ZNF654: variants seen among roughly 807,000 people sequenced by gnomAD.
The protein encoded by ZNF654 is zinc finger protein 654, also known as melanoma-associated antigen.
In ZNF654, 19 loss-of-function variants were observed where a neutral mutation model predicts 95.3. That is an observed-to-expected ratio of 0.20 (90% confidence interval 0.14 to 0.29). The LOEUF (loss-of-function observed/expected upper bound fraction) is 0.29, where lower values mean the gene tolerates loss of function less well. Among genes scored for constraint, ZNF654 ranks in the 10% least tolerant of loss-of-function variants. The probability of loss-of-function intolerance (pLI) is 1.00; values close to 1 mark genes in which losing one functional copy is unlikely to be tolerated. For synonymous variants in ZNF654, 413 were observed against 457.9 expected (o/e 0.90, Z 1.25); for missense variants, 1,046 against 1,341.0 (o/e 0.78, Z 3.44).
At chr3:88,129,111 A>G (rs1333313628) in intron 5 of ZNF654, 100 bp downstream of exon 5, 1 of 805,810 alleles carries the variant, frequency 1.2e-6, no homozygotes, top group South Asian at 1.9e-5. Flanking sequence ...TTCCTTTTAC[A>G]GTAATGCCAA....
At chr3:88,069,753 C>A (rs1454464892) in intron 1 of ZNF654, among the ~76,000 whole-genome samples, 1 of 152,168 alleles carries the variant, frequency 6.6e-6, no homozygotes. Flanking sequence ...ATATATTACA[C>A]AAATTATAGC....
At chr3:88,064,123 T>G (rs1167451210) in intron 1 of ZNF654, among the ~76,000 whole-genome samples, 1 of 151,612 alleles carries the variant, frequency 6.6e-6, no homozygotes, top group Non-Finnish European at 1.5e-5. Context: ...TTTTTTTTTT[T>G]GCCACAGCTT....
At chr3:88,117,080 C>T (rs925651562) in intron 3 of ZNF654, among the ~76,000 whole-genome samples, 7 of 152,014 alleles carry the variant, frequency 4.6e-5, no homozygotes, top group African/African-American at 7.2e-5. Flanking sequence ...AAAGAAGGGA[C>T]AACCCGAAAG....
In ZNF654 at chr3:88,072,616, G is replaced by A. The variant is rs572218199; in HGVS notation, c.186+13111G>A. On this transcript the variant is annotated intron_variant, in intron 1 of 8. Coordinates refer to ENST00000636215, the MANE Select transcript of ZNF654 (RefSeq NM_001350134.2). ...ATAGACTCTTATTAGAGAGATAGAG[G>A]CCTTCCCTGAACACCCCATGTAAAG... 2.6e-5 allele frequency among the ~76,000 whole-genome samples: 4 copies of A among 152,214 alleles called. No homozygotes were observed. In the South Asian group the frequency reaches 6.2e-4, roughly 24 times the overall value.
At chr3:88,136,314 A>G (rs1399321727) in intron 7 of ZNF654, among the ~76,000 whole-genome samples, 2 of 152,182 alleles carry the variant, frequency 1.3e-5, no homozygotes, top group East Asian at 1.9e-4. Context: ...ATGTGGGGTA[A>G]ACCTGCAAAT....
At position 88,143,589 on chromosome 3, in the gene ZNF654, C is replaced by G. The variant is rs80200010; in HGVS notation, c.*1937C>G. 712 of 152,294 alleles carry G rather than the reference C, an allele frequency of 4.7e-3. 8 individuals are homozygous for G. The highest frequency in any genetic ancestry group is 7.7e-3 in the Non-Finnish European group (524 of 67,736). The allele number at this position is 152,294 out of a possible 1,614,324, so 9.4% of individuals were successfully genotyped here. A position where few individuals can be genotyped will look rare whatever the true frequency, so the allele number is the denominator to read the frequency against. ...AAGTTTAATATTTTATCACATTTTC[C>G]ACAAGTTGTAACAATTGATATAAAT... On this transcript the variant is annotated 3_prime_UTR_variant, in exon 9 of 9. Transcript: ENST00000636215.
At chr3:88,096,736 T>C (rs979044405) in intron 2 of ZNF654, among the ~76,000 whole-genome samples, 1 of 152,118 alleles carries the variant, frequency 6.6e-6, no homozygotes, top group African/African-American at 2.4e-5. Flanking sequence ...AGGTAATACA[T>C]GTTCATGGTT....
chr3:88,085,342 A>G (rs1708285583), intron 1 of ZNF654, among the ~76,000 whole-genome samples: 1 of 152,234 alleles, frequency 6.6e-6, no homozygotes, highest in Non-Finnish European at 1.5e-5. Flanking sequence ...ACATAAATGG[A>G]TGAACCTGGT....
chr3:88,062,561 G>C (rs1242866482), intron 1 of ZNF654, among the ~76,000 whole-genome samples: 1 of 152,176 alleles, frequency 6.6e-6, no homozygotes, highest in African/African-American at 2.4e-5. Context: ...TCTAATTCCT[G>C]AAAGTTTTAA....
chr3:88,112,548 CCTGTT>C (rs1705155910), intron 2 of ZNF654, among the ~76,000 whole-genome samples: 1 of 151,864 alleles, frequency 6.6e-6, no homozygotes, highest in Admixed American at 6.6e-5. Flanking sequence ...TTTGAGCCAT[CCTGTT>C]ATGAGTGGGA....
intron 1 of ZNF654, among the ~76,000 whole-genome samples, chr3:88,070,845 C>T (rs887677519): frequency 3.3e-5 from 5 of 152,118 alleles, no homozygotes; most frequent in Non-Finnish European, 5.9e-5. Flanking sequence ...AAGCAACTAC[C>T]TTAAGACACA....
In ZNF654 at chr3:88,140,709, G is replaced by A. The variant is rs771797638; in HGVS notation, c.3040G>A (p.Val1014Ile). Reference sequence around the variant, plus strand: ...AAATGGTTCCATTTTGCCCAGTGTTGTACCACAAGAACACAACACCTTGCC... The same window carrying A: ...AAATGGTTCCATTTTGCCCAGTGTTATACCACAAGAACACAACACCTTGCC... ...TENGSILPSV[V>I]PQEHNTLPVS... Residue 1014 changes from valine to isoleucine, a missense_variant, in exon 8 of 9, where the codon GTA becomes ATA. By Grantham distance (29) the Val-to-Ile change is conservative. Coordinates refer to ENST00000636215, the MANE Select transcript of ZNF654 (RefSeq NM_001350134.2). 7 of 1,613,572 alleles carry A rather than the reference G, an allele frequency of 4.3e-6. No individual in the cohort carries two copies. The highest frequency in any genetic ancestry group is 2.7e-5 in the African/African-American group (2 of 74,868).
In ZNF654 at chr3:88,092,267, C is replaced by A. The variant is rs566291154; in HGVS notation, c.332+5865C>A. ...AACAATTACTGCATAATTATTTGGTCATTTATTCTGTAAAGCTCTGCTTGC... is the reference window on the plus strand; with the variant it reads ...AACAATTACTGCATAATTATTTGGTAATTTATTCTGTAAAGCTCTGCTTGC... On this transcript the variant is annotated intron_variant, in intron 2 of 8. Transcript: ENST00000636215. Among the ~76,000 whole-genome samples, 258 of 152,118 alleles carry A rather than the reference C, an allele frequency of 1.7e-3. 1 individual carries two copies. The highest frequency in any genetic ancestry group is 3.1e-3 in the Non-Finnish European group (214 of 67,998).
intron 3 of ZNF654, among the ~76,000 whole-genome samples, chr3:88,113,722 C>G (rs1278180126): frequency 6.6e-6 from 1 of 152,082 alleles, no homozygotes; most frequent in Non-Finnish European, 1.5e-5. Flanking sequence ...GGAAGCAACC[C>G]TGACCCACTC....
chr3:88,109,438 T>C (rs1198460582), intron 2 of ZNF654, among the ~76,000 whole-genome samples: 2 of 152,146 alleles, frequency 1.3e-5, no homozygotes, highest in Admixed American at 6.6e-5. Flanking sequence ...TTGACTCACA[T>C]AGAGTAGACC....
intron 4 of ZNF654, 138 bp from the exon 5 acceptor site, chr3:88,128,667 CAAAT>C (rs1268584404): frequency 5.3e-6 from 3 of 570,990 alleles, no homozygotes; most frequent in Non-Finnish European, 5.9e-6. Context: ...AATATTTTCA[CAAAT>C]AAACTCCTAC....
chr3:88,140,244 C>T lies in ZNF654; in HGVS notation c.2575C>T (p.Pro859Ser), dbSNP rs764652681. ...ATGCCATGAGCTTTTTGAAGATCTTCCTCTGCTGTATGAACATGAAGCTCA... is the reference window on the plus strand; with the variant it reads ...ATGCCATGAGCTTTTTGAAGATCTTTCTCTGCTGTATGAACATGAAGCTCA... ...PECHELFEDL[P>S]LLYEHEAQHY... Residue 859 changes from proline to serine, a missense_variant, in exon 8 of 9, where the codon CCT (proline) becomes TCT (serine). Around this residue, in one of 9 missense-constraint regions of ZNF654, gnomAD observed 495 missense variants for 537.0 expected, o/e 0.92. Transcript: ENST00000636215. 3.7e-6 allele frequency: 6 copies of T among 1,613,184 alleles called. No individual in the cohort carries two copies. The highest frequency in any genetic ancestry group is 5.1e-6 in the Non-Finnish European group (6 of 1,179,528).
chr3:88,069,730 A>T (rs1010715259), intron 1 of ZNF654, among the ~76,000 whole-genome samples: 1 of 152,210 alleles, frequency 6.6e-6, no homozygotes, highest in Admixed American at 6.5e-5. Flanking sequence ...ACTGGACTTC[A>T]GTATCTCGTG....
chr3:88,097,709 G>A (rs1704146514), intron 2 of ZNF654, among the ~76,000 whole-genome samples: 1 of 152,180 alleles, frequency 6.6e-6, no homozygotes, highest in African/African-American at 2.4e-5. Context: ...CATGGGAACT[G>A]AACAACCGGC....
Sources: gnomAD v4.1 joint callset for allele counts (sites outside exome capture counted in the v4.1 genomes callset) on GRCh38, gnomAD v4.1.1 for gene constraint, gnomAD v4.1.1 regional missense constraint, MANE v1.5 for transcripts, NCBI Gene and HGNC (gene_info 2026-07-23, HGNC 2026-07-21) for gene names.